The following ERBIN variants were observed in gnomAD, a reference collection of about 807,000 sequenced individuals.
ERBIN encodes erbb2 interacting protein.
A neutral mutation model predicts 158.4 loss-of-function variants in ERBIN; 60 were observed. The ratio of observed to expected loss-of-function variants is 0.38; its 90% CI spans 0.31 to 0.47. ERBIN has a LOEUF of 0.47. ERBIN is among the 20% of genes least tolerant of loss of function. The pLI is 0.99. For missense variants in ERBIN, 1,610 were observed against 1,648.0 expected (o/e 0.98, Z 0.40); for synonymous variants, 594 against 557.2 (o/e 1.07, Z -0.93).
chr5:66,037,109 A>T (rs1250756275), intron 14 of ERBIN, among the ~76,000 whole-genome samples: 1 of 152,140 alleles, frequency 6.6e-6, no homozygotes, highest in Admixed American at 6.6e-5. Context: ...TTATATGCTC[A>T]TCTAAGGGGG....
intron 21 of ERBIN, among the ~76,000 whole-genome samples, chr5:66,067,094 T>C (rs1761073016): frequency 6.6e-6 from 1 of 152,204 alleles, no homozygotes; most frequent in African/African-American, 2.4e-5. Context: ...ATGATTTCTT[T>C]GTTTTTTTTT....
chr5:66,026,251 A>G, intron 12 of ERBIN, 51 bp from the exon 13 acceptor site: 1 of 1,179,384 alleles, frequency 8.5e-7, no homozygotes, highest in Admixed American at 2.6e-5. Context: ...TTATATGTTG[A>G]TCAACCTGTA....
At chr5:66,065,620 TG>T (rs1438062847) in intron 21 of ERBIN, among the ~76,000 whole-genome samples, 1 of 137,782 alleles carries the variant, frequency 7.3e-6, no homozygotes, top group East Asian at 2.0e-4. Context: ...TGTGTGTGTG[TG>T]TGTGTGTGTG....
intron 1 of ERBIN, among the ~76,000 whole-genome samples, chr5:65,978,214 C>T (rs1750250758): frequency 6.6e-6 from 1 of 152,162 alleles, no homozygotes; most frequent in African/African-American, 2.4e-5. Context: ...TTCACCTTTT[C>T]CAAGTATTGC....
intron 21 of ERBIN, among the ~76,000 whole-genome samples, chr5:66,060,559 A>G (rs1760164030): frequency 6.6e-6 from 1 of 151,802 alleles, no homozygotes; most frequent in African/African-American, 2.4e-5. Flanking sequence ...CTCTGATCTT[A>G]GTTATTTCTT....
intron 21 of ERBIN, among the ~76,000 whole-genome samples, chr5:66,056,960 C>A (rs560368517): frequency 1.3e-5 from 2 of 152,220 alleles, no homozygotes; most frequent in South Asian, 4.1e-4. Flanking sequence ...CCATGTCTTT[C>A]TTAAATGTAT....
In ERBIN at chr5:66,021,406, C is replaced by G. The variant is rs760945101; in HGVS notation, c.597+21C>G. On this transcript the variant is annotated intron_variant, in intron 8 of 25. Coordinates refer to ENST00000284037, the MANE Select transcript of ERBIN (RefSeq NM_001253697.2). ...AAGTGGTAAGTTCTCATCAGTCTCA[C>G]TTTCCCTAAGTTCTTATATTTAATG... The G allele has an allele frequency of 5.3e-6, 8 of 1,522,306 alleles. No individual in the cohort carries two copies. In the East Asian group the frequency reaches 1.8e-4, roughly 35 times the overall value. The allele number at this position is 1,522,306 out of a possible 1,614,324, so 94.3% of individuals were successfully genotyped here. A position where few individuals can be genotyped will look rare whatever the true frequency, so the allele number is the denominator to read the frequency against.
intron 16 of ERBIN, 143 bp downstream of exon 16, chr5:66,043,341 C>A: frequency 2.7e-6 from 2 of 750,790 alleles, no homozygotes; most frequent in African/African-American, 1.8e-5. Context: ...TTATTGATTC[C>A]AAATATTTCA....
At position 66,054,473 on chromosome 5, in the gene ERBIN, G is replaced by A. The variant is rs1471736729; in HGVS notation, c.3155G>A (p.Arg1052Lys). ...TTACATCAGAGACTTGGCCCAGCAA[G>A]ACATGGGGAAATGTGGGCCATCTCA... ...YHLHQRLGPA[R>K]HGEMWAISPN... The change falls in exon 21 of 26, where the codon AGA becomes AAA. Residue 1052 changes from arginine to lysine, a missense_variant. This residue lies in a region of ERBIN where 1,014 missense variants were observed against 936.1 expected (regional missense o/e 1.08). Coordinates refer to ENST00000284037, the MANE Select transcript of ERBIN (RefSeq NM_001253697.2). 2 of 1,614,038 alleles carry A rather than the reference G, an allele frequency of 1.2e-6. No individual in the cohort carries two copies. The highest frequency in any genetic ancestry group is 1.3e-5 in the African/African-American group (1 of 74,914).
intron 1 of ERBIN, among the ~76,000 whole-genome samples, chr5:65,962,150 A>T (rs1325207733): frequency 6.6e-6 from 1 of 152,222 alleles, no homozygotes; most frequent in Non-Finnish European, 1.5e-5. Context: ...ATATCTGAAT[A>T]AAGAGAATCA....
chr5:66,015,617 GCAT>G (rs1208685454), intron 7 of ERBIN, among the ~76,000 whole-genome samples: 2 of 151,962 alleles, frequency 1.3e-5, no homozygotes, highest in Non-Finnish European at 2.9e-5. Flanking sequence ...TGTTGAAATC[GCAT>G]CATCAAGATT....
At chr5:65,952,588 T>G (rs1239412801) in intron 1 of ERBIN, among the ~76,000 whole-genome samples, 1 of 152,128 alleles carries the variant, frequency 6.6e-6, no homozygotes, top group Admixed American at 6.5e-5. Context: ...GACTTACTGT[T>G]TAAACTTTGA....
chr5:65,970,044 A>G (rs1749077715), intron 1 of ERBIN, among the ~76,000 whole-genome samples: 1 of 152,174 alleles, frequency 6.6e-6, no homozygotes, highest in Admixed American at 6.5e-5. Flanking sequence ...CCTTGCCCCA[A>G]AGTAATTGAA....
rs1456057945 is a variant in ERBIN at position 66,076,967 on chromosome 5, T to C, written c.4131+18T>C. The C allele has an allele frequency of 6.7e-7, 1 of 1,503,460 alleles. No individual in the cohort carries two copies. Among genetic ancestry groups the C allele is most frequent in the Non-Finnish European group, 9.1e-7 (1 of 1,093,534 alleles). 93.1% of individuals were successfully genotyped at this position (1,503,460 alleles called of 1,614,324 possible). On this transcript the variant is annotated intron_variant, in intron 25 of 25. Transcript: ENST00000284037. ...TTATTCAGGTAATTAAAATAAATCT[T>C]TTTTTTTTTCATTTTATAACACTCT...
At chr5:66,015,944 C>A (rs1754667353) in intron 7 of ERBIN, among the ~76,000 whole-genome samples, 1 of 152,170 alleles carries the variant, frequency 6.6e-6, no homozygotes, top group African/African-American at 2.4e-5. Context: ...ATATCTGTTA[C>A]AGTATTTGCT....
intron 1 of ERBIN, among the ~76,000 whole-genome samples, chr5:65,984,141 C>G (rs72770207): frequency 0.013 from 1,868 of 142,212 alleles, 17 homozygotes; most frequent in Non-Finnish European, 0.021. Flanking sequence ...CAAGGAATAA[C>G]TGACTCCTCT....
intron 1 of ERBIN, among the ~76,000 whole-genome samples, chr5:65,947,034 T>G (rs538458684): frequency 6.6e-6 from 1 of 152,286 alleles, no homozygotes; most frequent in Non-Finnish European, 1.5e-5. Context: ...GCAGGTATTT[T>G]CTCCCATTCC....
intron 1 of ERBIN, among the ~76,000 whole-genome samples, chr5:65,941,612 A>G (rs189700403): frequency 2.2e-4 from 33 of 151,890 alleles, no homozygotes; most frequent in Non-Finnish European, 4.1e-4. Flanking sequence ...TTATTGTAGT[A>G]GGCTTGATGT....
intron 7 of ERBIN, among the ~76,000 whole-genome samples, chr5:66,016,934 G>T (rs752754728): frequency 9.2e-5 from 14 of 151,688 alleles, no homozygotes; most frequent in Non-Finnish European, 1.9e-4. Flanking sequence ...TTTTTAGCTC[G>T]CACATGTGAA....
Sources: gnomAD v4.1 joint callset for allele counts (sites outside exome capture counted in the v4.1 genomes callset) on GRCh38, gnomAD v4.1.1 for gene constraint, gnomAD v4.1.1 regional missense constraint, MANE v1.5 for transcripts, NCBI Gene and HGNC (gene_info 2026-07-23, HGNC 2026-07-21) for gene names.